USP48: variants seen among roughly 807,000 people sequenced by gnomAD.
USP48 encodes ubiquitin specific peptidase 48.
In USP48, 43 loss-of-function variants were observed where a neutral mutation model predicts 150.7. That is an observed-to-expected ratio of 0.29 (90% CI 0.22 to 0.37). USP48 has a LOEUF of 0.37. Ranked by LOEUF, USP48 falls within the 10% of genes least tolerant of loss-of-function variation. The pLI, the probability that USP48 is intolerant of heterozygous loss-of-function variation, is 1.00. For synonymous variants in USP48, 396 were observed against 425.9 expected (o/e 0.93, Z 0.86); for missense variants, 813 against 1,249.6 (o/e 0.65, Z 5.27).
chr1:21,714,841 C>T (rs960450519), intron 15 of USP48, among the ~76,000 whole-genome samples: 1 of 152,190 alleles, frequency 6.6e-6, no homozygotes, highest in Admixed American at 6.5e-5. Context: ...CTGGTCAATA[C>T]ACAAACAAGA....
At chr1:21,735,889 A>C (rs111377925) in intron 9 of USP48, among the ~76,000 whole-genome samples, 2 of 151,214 alleles carry the variant, frequency 1.3e-5, no homozygotes, top group Admixed American at 1.3e-4. Flanking sequence ...AGAGCGGAAA[A>C]AAAAAAAAAA....
At chr1:21,740,221 C>T (rs575190904) in intron 8 of USP48, among the ~76,000 whole-genome samples, 1 of 152,310 alleles carries the variant, frequency 6.6e-6, no homozygotes, top group South Asian at 2.1e-4. Context: ...CAGTATTTGT[C>T]TTTCTGAGCC....
chr1:21,690,251 T>TC, intron 23 of USP48, 152 bp from the exon 24 acceptor site: 1 of 917,032 alleles, frequency 1.1e-6, no homozygotes, highest in Non-Finnish European at 1.6e-6. Flanking sequence ...CTTGTTATAC[T>TC]CCTACTGAGG....
At chr1:21,757,399 G>A in intron 2 of USP48, 1 of 279,462 alleles carries the variant, frequency 3.6e-6, no homozygotes, top group Non-Finnish European at 6.5e-6. Flanking sequence ...AATAAAACAT[G>A]CAATGTTAAA....
At chr1:21,693,407 G>A (rs2097609523) in intron 23 of USP48, among the ~76,000 whole-genome samples, 1 of 152,138 alleles carries the variant, frequency 6.6e-6, no homozygotes, top group Non-Finnish European at 1.5e-5. Flanking sequence ...ATGTAGTGAG[G>A]GGAAAGACCT....
chr1:21,764,265 C>T (rs913757584), intron 1 of USP48, among the ~76,000 whole-genome samples: 1 of 151,818 alleles, frequency 6.6e-6, no homozygotes. Flanking sequence ...TGGCGAAAAC[C>T]CATCTTTACT....
intron 9 of USP48, among the ~76,000 whole-genome samples, chr1:21,731,572 CA>C (rs1393097623): frequency 6.8e-6 from 1 of 148,012 alleles, no homozygotes; most frequent in Non-Finnish European, 1.5e-5. Flanking sequence ...CCTAAAATAG[CA>C]TAATTTTTAA....
At chr1:21,712,541 TGG>T (rs1406433872) in intron 15 of USP48, among the ~76,000 whole-genome samples, 1 of 151,944 alleles carries the variant, frequency 6.6e-6, no homozygotes, top group Non-Finnish European at 1.5e-5. Context: ...TAAGTAAGGC[TGG>T]GTATCCTATA....
chr1:21,705,101 T>C (rs1055386751), intron 19 of USP48, among the ~76,000 whole-genome samples: 1 of 152,332 alleles, frequency 6.6e-6, no homozygotes, highest in East Asian at 1.9e-4. Context: ...GTTAAAGTAC[T>C]GAAATATGAA....
intron 12 of USP48, among the ~76,000 whole-genome samples, chr1:21,723,231 A>G (rs1004489048): frequency 4.6e-5 from 7 of 152,150 alleles, no homozygotes; most frequent in Admixed American, 2.0e-4. Flanking sequence ...AGAAGTCACC[A>G]TAGCTGGGCG....
chr1:21,705,704 T>C (rs773347620), intron 19 of USP48, 23 bp downstream of exon 19: 3 of 1,511,010 alleles, frequency 2.0e-6, no homozygotes, highest in Admixed American at 4.4e-5. Context: ...GAAAAAAAAA[T>C]CACATGAAGA....
rs2097558872 is a variant in USP48, at chr1:21,679,262, A to C, written c.*155T>G. On this transcript the variant is annotated 3_prime_UTR_variant, in exon 27 of 27. Transcript: ENST00000308271. ...AGTGCAATCTGCTTTATTTGACATAAGGCATTTGGGACAGTCACGTTTGAA... is the reference window on the plus strand; with the variant it reads ...AGTGCAATCTGCTTTATTTGACATACGGCATTTGGGACAGTCACGTTTGAA... The C allele has an allele frequency of 4.4e-6, 4 of 903,100 alleles. No homozygotes were observed. The highest frequency in any genetic ancestry group is 7.2e-6 in the Non-Finnish European group (4 of 554,362). 55.9% of individuals were successfully genotyped at this position (903,100 alleles called of 1,614,324 possible).
intron 24 of USP48, 110 bp from the exon 25 acceptor site, chr1:21,687,349 T>C (rs2097582797): frequency 2.9e-6 from 3 of 1,019,584 alleles, no homozygotes; most frequent in Non-Finnish European, 4.4e-6. Flanking sequence ...AAACACACTG[T>C]CCAGTAGATA....
intron 1 of USP48, among the ~76,000 whole-genome samples, chr1:21,761,767 T>A (rs570020012): frequency 1.3e-5 from 2 of 152,108 alleles, no homozygotes; most frequent in East Asian, 1.9e-4. Context: ...CCTGTCTCTA[T>A]TTTAAAACTT....
intron 6 of USP48, among the ~76,000 whole-genome samples, 191 bp downstream of exon 6, chr1:21,751,316 G>C (rs980633979): frequency 6.6e-6 from 1 of 152,086 alleles, no homozygotes; most frequent in Non-Finnish European, 1.5e-5. Context: ...CTTGAAATAA[G>C]CAAAATTATT....
intron 15 of USP48, among the ~76,000 whole-genome samples, chr1:21,710,006 T>G (rs116110876): frequency 0.017 from 2,575 of 152,254 alleles, 41 homozygotes; most frequent in African/African-American, 0.037. Context: ...ATTAAATTAA[T>G]GTAATGAATG....
intron 15 of USP48, among the ~76,000 whole-genome samples, chr1:21,709,127 C>T (rs1033805632): frequency 1.3e-5 from 2 of 151,906 alleles, no homozygotes; most frequent in Admixed American, 6.6e-5. Context: ...TTTAAGCAAC[C>T]GTCCTACCTC....
chr1:21,778,513 T>G (rs930593057), intron 1 of USP48, among the ~76,000 whole-genome samples: 1 of 143,058 alleles, frequency 7.0e-6, no homozygotes, highest in African/African-American at 2.6e-5. Context: ...GTGCCTACAG[T>G]CCCAGCTACC....
intron 14 of USP48, among the ~76,000 whole-genome samples, chr1:21,717,745 G>A (rs540731636): frequency 6.6e-6 from 1 of 152,274 alleles, no homozygotes; most frequent in African/African-American, 2.4e-5. Flanking sequence ...ATTAAGGTCT[G>A]GAGTTCAAGA....
Sources: gnomAD v4.1 joint callset for allele counts (sites outside exome capture counted in the v4.1 genomes callset) on GRCh38, gnomAD v4.1.1 for gene constraint, MANE v1.5 for transcripts, NCBI Gene and HGNC (gene_info 2026-07-23, HGNC 2026-07-21) for gene names.